Variants in DESI2 observed in about 807,000 individuals in gnomAD.
The protein encoded by DESI2 is desumoylating isopeptidase 2, also known as deubiquitinase DESI2.
DESI2 carries 10 observed loss-of-function variants against 24.1 expected under a neutral mutation model. The ratio of observed to expected loss-of-function variants is 0.41; its 90% CI spans 0.26 to 0.70. The LOEUF is 0.70. Ranked by LOEUF, DESI2 falls within the 30% of genes least tolerant of loss-of-function variation. The pLI is 0.29. For missense variants in DESI2, 122 were observed against 234.9 expected, an observed-to-expected ratio of 0.52 and a Z score of 3.14; for synonymous variants, 71 against 87.7, an observed-to-expected ratio of 0.81 and a Z score of 1.06.
intron 4 of DESI2, among the ~76,000 whole-genome samples, chr1:244,698,636 C>T (rs1677310691): frequency 2.0e-5 from 3 of 152,322 alleles, no homozygotes; most frequent in South Asian, 4.1e-4. Flanking sequence ...TTGACATTGC[C>T]TCCTACACAC....
intron 4 of DESI2, among the ~76,000 whole-genome samples, chr1:244,701,877 T>G (rs1677479055): frequency 6.6e-6 from 1 of 152,230 alleles, no homozygotes; most frequent in Non-Finnish European, 1.5e-5. Flanking sequence ...TTAATGGCAC[T>G]TGGTTAATTT....
chr1:244,700,252 C>CTGA (rs1677395033), intron 4 of DESI2, among the ~76,000 whole-genome samples: 1 of 152,184 alleles, frequency 6.6e-6, no homozygotes, highest in African/African-American at 2.4e-5. Context: ...TTGGGCATCC[C>CTGA]TGACACAGTT....
intron 1 of DESI2, among the ~76,000 whole-genome samples, chr1:244,679,277 G>A (rs372619319): frequency 5.3e-5 from 8 of 152,158 alleles, no homozygotes; most frequent in East Asian, 3.9e-4. Flanking sequence ...GTGAAAAGGG[G>A]GAGAAAGTAA....
intron 3 of DESI2, among the ~76,000 whole-genome samples, chr1:244,690,413 G>C (rs1374660035): frequency 6.6e-6 from 1 of 152,080 alleles, no homozygotes; most frequent in Non-Finnish European, 1.5e-5. Context: ...TGTATTTAAA[G>C]TGATATTTAG....
At chr1:244,683,502 A>G (rs12030011) in intron 1 of DESI2, among the ~76,000 whole-genome samples, 65,520 of 151,808 alleles carry the variant, frequency 0.43, 15,863 homozygotes, top group Middle Eastern at 0.62. Flanking sequence ...CAGTAGAGAC[A>G]GGGTTTCACC....
Position 244,689,435 on chromosome 1 carries a change from C to G in DESI2, c.209+93C>G. ...TTCATTCTGTAAATCAAAACAAACC[C>G]AAGAAGTTAAAAATGTCTCTTTGTT... On this transcript the variant is annotated intron_variant, in intron 3 of 4. Coordinates refer to ENST00000302550, the MANE Select transcript of DESI2 (RefSeq NM_016076.5). The surrounding 1 kb of genome is among the most constrained non-coding windows in gnomAD (Gnocchi z 4.0). The G allele has an allele frequency of 1.6e-6, 1 of 617,640 alleles. No homozygotes were observed. The highest frequency in any genetic ancestry group is 2.8e-5 in the East Asian group (1 of 35,122). The allele number at this position is 617,640 out of a possible 1,614,324, so 38.3% of individuals were successfully genotyped here.
chr1:244,658,956 T>G (rs907790350), intron 1 of DESI2, among the ~76,000 whole-genome samples: 11 of 152,212 alleles, frequency 7.2e-5, no homozygotes, highest in Non-Finnish European at 1.0e-4. Context: ...AGATAATCTT[T>G]CCGAAAACAT....
intron 4 of DESI2, among the ~76,000 whole-genome samples, chr1:244,702,404 C>G (rs1320653902): frequency 6.6e-6 from 1 of 152,078 alleles, no homozygotes. Flanking sequence ...ATCCCATCTA[C>G]TCGGGAGGCT....
At position 244,689,095 on chromosome 1, in the gene DESI2, G is replaced by A. The variant is rs1216069818; in HGVS notation, c.116-154G>A. On this transcript the variant is annotated intron_variant, in intron 2 of 4. Coordinates refer to ENST00000302550, the MANE Select transcript of DESI2 (RefSeq NM_016076.5). This position sits in a 1 kb window ranked among gnomAD's most constrained non-coding sequence, Gnocchi z 4.0. ...GGTCTTTTGTGACAACTGTTTATACGAGTAATAGCTAAGTGAGATATTTGT... is the reference window on the plus strand; with the variant it reads ...GGTCTTTTGTGACAACTGTTTATACAAGTAATAGCTAAGTGAGATATTTGT... Among the ~76,000 whole-genome samples the A allele has an allele frequency of 6.6e-6, 1 of 152,176 alleles. No individual in the cohort carries two copies. Among genetic ancestry groups the A allele is most frequent in the Admixed American group, 6.5e-5 (1 of 15,282 alleles).
chr1:244,703,760 G>A (rs113769286), intron 4 of DESI2, among the ~76,000 whole-genome samples: 402 of 151,260 alleles, frequency 2.7e-3, no homozygotes, highest in Non-Finnish European at 4.6e-3. Flanking sequence ...CCAGATTCAC[G>A]CCATTCTCCT....
Position 244,694,459 on chromosome 1 carries a change from C to G in DESI2, c.351+2439C>G, listed in dbSNP as rs886926934. The G allele has an allele frequency of 3.9e-6, 3 of 777,746 alleles. No homozygotes were observed. The South Asian group carries it at 4.0e-5, about 10-fold the overall frequency. 48.2% of individuals were successfully genotyped at this position (777,746 alleles called of 1,614,324 possible). On this transcript the variant is annotated intron_variant, in intron 4 of 4. Coordinates refer to ENST00000302550, the MANE Select transcript of DESI2 (RefSeq NM_016076.5). ...GATGAACTGGATGCTGCAGCAGCTGCCCTCTTGGGTTTAGGTGGTGTTCCT... is the reference window on the plus strand; with the variant it reads ...GATGAACTGGATGCTGCAGCAGCTGGCCTCTTGGGTTTAGGTGGTGTTCCT...
intron 4 of DESI2, among the ~76,000 whole-genome samples, chr1:244,703,713 C>T (rs1202649451): frequency 2.0e-5 from 3 of 150,558 alleles, no homozygotes; most frequent in Non-Finnish European, 4.4e-5. Context: ...GGCTGGAGTG[C>T]AGTGGTGCGA....
intron 1 of DESI2, among the ~76,000 whole-genome samples, chr1:244,677,027 CTGTTTCTTGTGATGTCTT>C (rs1676438111): frequency 6.7e-6 from 1 of 149,580 alleles, no homozygotes; most frequent in African/African-American, 2.5e-5. Flanking sequence ...ATATTAGTCT[CTGTTTCTTGTGATGTCTT>C]TGTTTTGGTA....
rs1677682943 is a variant in DESI2, at chr1:244,705,957, TGG to T, written c.*169_*170del. The T allele has an allele frequency of 9.9e-6, 6 of 603,314 alleles. No individual in the cohort carries two copies. In the South Asian group the frequency reaches 1.0e-4, roughly 10 times the overall value. 37.4% of individuals were successfully genotyped at this position (603,314 alleles called of 1,614,324 possible). A position where few individuals can be genotyped will look rare whatever the true frequency, so the allele number is the denominator to read the frequency against. ...TTGTAATCAAAAAAAAAAAATCACT[TGG>T]CGCAGGAGGGAGAACTTTGTAAGAA... On this transcript the variant is annotated 3_prime_UTR_variant, in exon 5 of 5. Transcript: ENST00000302550.
rs564181762 is a variant in DESI2 at position 244,689,655 on chromosome 1, G to A, written c.209+313G>A. Among the ~76,000 whole-genome samples, 78 of 152,186 alleles carry A rather than the reference G, an allele frequency of 5.1e-4. No individual in the cohort carries two copies. Among genetic ancestry groups the A allele is most frequent in the African/African-American group, 1.8e-3 (74 of 41,528 alleles). Reference sequence around the variant, plus strand: ...CTCCCAAGTAGCTGGGATTACAGGCGTGCACCACGACGTCCGGCTAATTTT... The same window carrying A: ...CTCCCAAGTAGCTGGGATTACAGGCATGCACCACGACGTCCGGCTAATTTT... On this transcript the variant is annotated intron_variant, in intron 3 of 4. Transcript: ENST00000302550. This position sits in a 1 kb window ranked among gnomAD's most constrained non-coding sequence, Gnocchi z 4.0.
chr1:244,704,717 G>A (rs1314322725), intron 4 of DESI2, among the ~76,000 whole-genome samples: 1 of 152,180 alleles, frequency 6.6e-6, no homozygotes, highest in East Asian at 1.9e-4. Context: ...GGAGTGCAGT[G>A]GCGTGATGTC....
At position 244,661,457 on chromosome 1, in the gene DESI2, T is replaced by C. The variant is rs531010348; in HGVS notation, c.42+8102T>C. ...TAAGTTCTAGGGTACATGTGCACAA[T>C]GTGCAGGTTTGTTACATATGTATAC... On this transcript the variant is annotated intron_variant, in intron 1 of 4. Transcript: ENST00000302550. 1.1e-3 allele frequency among the ~76,000 whole-genome samples: 166 copies of C among 152,182 alleles called. 2 individuals carry two copies. The highest frequency in any genetic ancestry group is 3.7e-3 in the African/African-American group (152 of 41,520).
intron 1 of DESI2, chr1:244,653,779 T>C (rs140881302): frequency 1.7e-5 from 6 of 349,970 alleles, no homozygotes; most frequent in South Asian, 1.4e-4. Flanking sequence ...GAACTGTCCG[T>C]CTCTCTCCAT....
intron 4 of DESI2, among the ~76,000 whole-genome samples, chr1:244,703,825 ATT>A (rs1038735224): frequency 1.3e-5 from 2 of 151,898 alleles, no homozygotes; most frequent in Non-Finnish European, 2.9e-5. Context: ...CGCCTAGCTA[ATT>A]TTTTGTATGT....
Sources: gnomAD v4.1 joint callset for allele counts (sites outside exome capture counted in the v4.1 genomes callset) on GRCh38, gnomAD v4.1.1 for gene constraint, Gnocchi (gnomAD v3.1) non-coding constraint, MANE v1.5 for transcripts, NCBI Gene and HGNC (gene_info 2026-07-23, HGNC 2026-07-21) for gene names.